The following RARB variants were observed in gnomAD, a reference collection of about 807,000 sequenced individuals.
RARB encodes HBV-activated protein.
A neutral mutation model predicts 51.9 loss-of-function variants in RARB; 17 were observed. The observed-to-expected ratio is 0.33, with a 90% confidence interval of 0.22 to 0.49. RARB has a LOEUF of 0.49. Ranked by LOEUF, RARB falls within the 20% of genes least tolerant of loss-of-function variation. The pLI, the probability that RARB is intolerant of heterozygous loss-of-function variation, is 0.99. For synonymous variants in RARB, 215 were observed against 195.4 expected, an observed-to-expected ratio of 1.10 and a Z score of -0.84; for missense variants, 369 against 550.8, an observed-to-expected ratio of 0.67 and a Z score of 3.30.
At chr3:24,996,794 T>G (rs1697049309) in intron 2 of RARB, among the ~76,000 whole-genome samples, 1 of 152,156 alleles carries the variant, frequency 6.6e-6, no homozygotes, top group South Asian at 2.1e-4. Context: ...AATCTAGTTT[T>G]ATCCCATTGT....
intron 2 of RARB, among the ~76,000 whole-genome samples, chr3:24,947,847 G>C (rs1258318881): frequency 2.0e-5 from 3 of 152,066 alleles, no homozygotes; most frequent in African/African-American, 7.2e-5. Flanking sequence ...CAATTATTTA[G>C]AATCATTTTT....
chr3:25,316,124 A>G (rs1433917972), intron 5 of RARB, among the ~76,000 whole-genome samples: 1 of 152,100 alleles, frequency 6.6e-6, no homozygotes, highest in African/African-American at 2.4e-5. Context: ...ATAGATGTCT[A>G]TTGTCTGTAT....
intron 3 of RARB, among the ~76,000 whole-genome samples, chr3:25,099,713 T>C (rs1415401091): frequency 6.6e-6 from 1 of 152,058 alleles, no homozygotes; most frequent in Admixed American, 6.6e-5. Context: ...GGAAGGTCAC[T>C]GGAGTCCTTC....
chr3:24,955,943 C>G (rs1575090181), intron 2 of RARB, among the ~76,000 whole-genome samples: 1 of 152,166 alleles, frequency 6.6e-6, no homozygotes, highest in African/African-American at 2.4e-5. Context: ...TCTCTTGAGG[C>G]TGACCTGGAA....
At chr3:25,381,827 G>A (rs1021915486) in intron 5 of RARB, among the ~76,000 whole-genome samples, 1 of 152,176 alleles carries the variant, frequency 6.6e-6, no homozygotes, top group African/African-American at 2.4e-5. Flanking sequence ...GGAAATTTGA[G>A]TTTTAACAAA....
chr3:25,085,019 C>T (rs1469898101), intron 3 of RARB, among the ~76,000 whole-genome samples: 1 of 152,074 alleles, frequency 6.6e-6, no homozygotes, highest in African/African-American at 2.4e-5. Flanking sequence ...CAAAGCAGAG[C>T]TTGCAGATCT....
rs1367791982 is a variant in RARB, at chr3:25,288,491, T to G, written c.178+113916T>G. ...CGTTCTTGGTATTTTTGCTGCCACT[T>G]GAAATCAAATCCCAGCTGCATTCAT... On this transcript the variant is annotated intron_variant, in intron 5 of 11. Transcript: ENST00000383772. Among the ~76,000 whole-genome samples, 6 of 152,206 alleles carry G rather than the reference T, an allele frequency of 3.9e-5. No individual in the cohort carries two copies. The East Asian group carries it at 7.7e-4, about 20-fold the overall frequency.
chr3:25,248,300 G>A (rs78923500), intron 5 of RARB, among the ~76,000 whole-genome samples: 6,471 of 152,126 alleles, frequency 0.043, 281 homozygotes, highest in African/African-American at 0.11. Context: ...CATATAGGTG[G>A]ATCATGTTTT....
chr3:25,322,655 G>A (rs971829530), intron 5 of RARB, among the ~76,000 whole-genome samples: 4 of 152,140 alleles, frequency 2.6e-5, no homozygotes, highest in Admixed American at 2.6e-4. Context: ...GCATAAGCAT[G>A]TATTGCATAA....
intron 4 of RARB, among the ~76,000 whole-genome samples, chr3:25,162,687 T>C (rs1700491775): frequency 6.6e-6 from 1 of 152,244 alleles, no homozygotes; most frequent in Admixed American, 6.5e-5. Flanking sequence ...ATGTGGCCTT[T>C]TATGTCTGGG....
At chr3:25,566,387 G>A (rs956676352) in intron 3 of RARB, among the ~76,000 whole-genome samples, 3 of 152,156 alleles carry the variant, frequency 2.0e-5, no homozygotes, top group African/African-American at 4.8e-5. Context: ...TCACGTAGGG[G>A]ACAAAAGGAG....
chr3:25,065,498 G>A (rs1174834895), intron 3 of RARB, among the ~76,000 whole-genome samples: 3 of 152,146 alleles, frequency 2.0e-5, no homozygotes, highest in African/African-American at 7.2e-5. Flanking sequence ...TTCAAGCACT[G>A]TAAAAGTATT....
chr3:25,141,111 C>T (rs796307470), intron 4 of RARB, among the ~76,000 whole-genome samples: 21 of 151,602 alleles, frequency 1.4e-4, no homozygotes, highest in African/African-American at 3.6e-4. Flanking sequence ...TGAGGTATAC[C>T]GATATTAAAA....
chr3:25,162,068 G>T (rs1209069005), intron 4 of RARB, among the ~76,000 whole-genome samples: 2 of 152,080 alleles, frequency 1.3e-5, no homozygotes, highest in Non-Finnish European at 2.9e-5. Flanking sequence ...ATGGGTGTGT[G>T]GGTTGGTTTG....
chr3:24,967,705 G>T (rs533266285), intron 2 of RARB, among the ~76,000 whole-genome samples: 2 of 152,090 alleles, frequency 1.3e-5, no homozygotes, highest in African/African-American at 2.4e-5. Context: ...GAATAAAATA[G>T]CTTCATCATT....
At chr3:25,231,809 T>C (rs1430612019) in intron 5 of RARB, among the ~76,000 whole-genome samples, 1 of 152,182 alleles carries the variant, frequency 6.6e-6, no homozygotes, top group Non-Finnish European at 1.5e-5. Context: ...AATCTGCTTA[T>C]ATGGGTTTTT....
chr3:25,174,614 GA>G (rs1700707382), intron 5 of RARB: 1 of 1,345,996 alleles, frequency 7.4e-7, no homozygotes, highest in South Asian at 1.1e-5. Context: ...TCTCTGGGTT[GA>G]TTGGATGAAG....
chr3:24,843,672 T>G lies in RARB; in HGVS notation c.-459+14269T>G, dbSNP rs149258099. On this transcript the variant is annotated intron_variant, in intron 1 of 11. Transcript: ENST00000383772. ...TAACTATGGTCCCCGATGAGCAGCATCAGCATCATTTGGGAGCCCATCAGG... is the reference window on the plus strand; with the variant it reads ...TAACTATGGTCCCCGATGAGCAGCAGCAGCATCATTTGGGAGCCCATCAGG... 6.2e-3 allele frequency among the ~76,000 whole-genome samples: 946 copies of G among 152,278 alleles called. 5 individuals carry two copies. Among genetic ancestry groups the G allele is most frequent in the Middle Eastern group, 0.017 (5 of 294 alleles).
chr3:25,004,788 T>A (rs903041075), intron 2 of RARB, among the ~76,000 whole-genome samples: 1 of 152,164 alleles, frequency 6.6e-6, no homozygotes. Context: ...AAATAGCAGT[T>A]TCATGGCATT....
Sources: gnomAD v4.1 joint callset for allele counts (sites outside exome capture counted in the v4.1 genomes callset) on GRCh38, gnomAD v4.1.1 for gene constraint, MANE v1.5 for transcripts, NCBI Gene and HGNC (gene_info 2026-07-23, HGNC 2026-07-21) for gene names.